AGAP1: variants seen among roughly 807,000 people sequenced by gnomAD.
AGAP1 encodes the protein ArfGAP with GTPase domain, ankyrin repeat and PH domain 1, also known as arf-GAP with GTPase, ANK repeat and PH domain-containing protein 1.
In AGAP1, 29 loss-of-function variants were observed where a neutral mutation model predicts 105.3. The ratio of observed to expected loss-of-function variants is 0.28; its 90% confidence interval spans 0.21 to 0.38. The LOEUF is 0.38. Ranked by LOEUF, AGAP1 falls within the 10% of genes least tolerant of loss-of-function variation. The pLI, the probability that AGAP1 is intolerant of heterozygous loss-of-function variation, is 1.00. For synonymous variants in AGAP1, 509 were observed against 485.9 expected (o/e 1.05, Z -0.63); for missense variants, 998 against 1,165.1 (o/e 0.86, Z 2.09).
At chr2:236,049,501 G>A (rs1020964628) in intron 16 of AGAP1, 24 of 481,554 alleles carry the variant, frequency 5.0e-5, no homozygotes, top group African/African-American at 3.7e-4. Flanking sequence ...TTTAGGCCTG[G>A]GGATTTCTCT....
At chr2:236,068,118 G>A (rs916924970) in intron 16 of AGAP1, among the ~76,000 whole-genome samples, 4 of 152,008 alleles carry the variant, frequency 2.6e-5, no homozygotes, top group African/African-American at 7.3e-5. Flanking sequence ...CTAAAAATAC[G>A]AAATTTAGCT....
Position 236,113,491 on chromosome 2 carries a change from C to G in AGAP1, c.2115-6701C>G, listed in dbSNP as rs1185224189. On this transcript the variant is annotated intron_variant, in intron 16 of 17. Coordinates refer to ENST00000304032, the MANE Select transcript of AGAP1 (RefSeq NM_001037131.3). This position sits in a 1 kb window ranked among gnomAD's most constrained non-coding sequence, Gnocchi z 4.3. Reference sequence around the variant, plus strand: ...GCTTGAGGGTGTTACCAGGAATGATCAATAAAGTCAGTTACTGTCATCCTT... The same window carrying G: ...GCTTGAGGGTGTTACCAGGAATGATGAATAAAGTCAGTTACTGTCATCCTT... 6.6e-6 allele frequency among the ~76,000 whole-genome samples: 1 copy of G among 152,174 alleles called. No individual in the cohort carries two copies. Among genetic ancestry groups the G allele is most frequent in the Admixed American group, 6.5e-5 (1 of 15,278 alleles).
intron 3 of AGAP1, among the ~76,000 whole-genome samples, chr2:235,727,932 G>A (rs1951730970): frequency 6.6e-6 from 1 of 152,160 alleles, no homozygotes; most frequent in Non-Finnish European, 1.5e-5. Flanking sequence ...TGGAGAGATT[G>A]ACACTTCAGA....
intron 1 of AGAP1, among the ~76,000 whole-genome samples, chr2:235,702,038 T>A (rs1950282926): frequency 6.6e-6 from 1 of 152,212 alleles, no homozygotes; most frequent in African/African-American, 2.4e-5. Flanking sequence ...ATGTTGTTTT[T>A]AAAATGTCAC....
At chr2:235,762,788 G>A (rs573109079) in intron 6 of AGAP1, among the ~76,000 whole-genome samples, 7 of 152,242 alleles carry the variant, frequency 4.6e-5, no homozygotes, top group African/African-American at 1.4e-4. Context: ...CAGGAGAATT[G>A]CTTGGACCCA....
At position 235,792,368 on chromosome 2, in the gene AGAP1, C is replaced by T. The variant is rs150115005; in HGVS notation, c.674-5391C>T. Among the ~76,000 whole-genome samples, 1 of 152,260 alleles carries T rather than the reference C, an allele frequency of 6.6e-6. No individual in the cohort carries two copies. The highest frequency in any genetic ancestry group is 1.9e-4 in the East Asian group (1 of 5,170). ...TCCAGGAGAGACTATGGTCCTTATC[C>T]AGTAGTACTAATGTGCGGAAATACC... On this transcript the variant is annotated intron_variant, in intron 6 of 17. Transcript: ENST00000304032. This position sits in a 1 kb window ranked among gnomAD's most constrained non-coding sequence, Gnocchi z 5.3.
Position 235,643,289 on chromosome 2 carries a change from G to C in AGAP1, c.164-65890G>C, listed in dbSNP as rs1222865584. Reference sequence around the variant, plus strand: ...CTACTAAAAATACAAAAATTAGCTGGGTGTGGTGGCGGGCACCTGTAGTCC... The same window carrying C: ...CTACTAAAAATACAAAAATTAGCTGCGTGTGGTGGCGGGCACCTGTAGTCC... On this transcript the variant is annotated intron_variant, in intron 1 of 17. Transcript: ENST00000304032. Among the ~76,000 whole-genome samples the C allele has an allele frequency of 2.0e-5, 3 of 151,802 alleles. No homozygotes were observed. The East Asian group carries it at 5.8e-4, about 29-fold the overall frequency.
rs941514172 is a variant in AGAP1 at position 236,000,093 on chromosome 2, G to T, written c.1645+31470G>T. On this transcript the variant is annotated intron_variant, in intron 13 of 17. Coordinates refer to ENST00000304032, the MANE Select transcript of AGAP1 (RefSeq NM_001037131.3). The surrounding 1 kb of genome is among the most constrained non-coding windows in gnomAD (Gnocchi z 4.3). Reference sequence around the variant, plus strand: ...GGTTTGTTTGTTAGTAGCCATAACCGTGCAGCATCCATCGGGAGGACACAC... The same window carrying T: ...GGTTTGTTTGTTAGTAGCCATAACCTTGCAGCATCCATCGGGAGGACACAC... 3.9e-5 allele frequency among the ~76,000 whole-genome samples: 6 copies of T among 152,236 alleles called. No individual in the cohort carries two copies. Among genetic ancestry groups the T allele is most frequent in the Middle Eastern group, 3.4e-3 (1 of 294 alleles).
At chr2:236,070,035 C>T (rs2058456700) in intron 16 of AGAP1, among the ~76,000 whole-genome samples, 1 of 152,274 alleles carries the variant, frequency 6.6e-6, no homozygotes, top group South Asian at 2.1e-4. Context: ...CACTGGTCCA[C>T]TGTCAGTGGC....
chr2:235,995,398 T>G lies in AGAP1; in HGVS notation c.1645+26775T>G, dbSNP rs561966611. On this transcript the variant is annotated intron_variant, in intron 13 of 17. Transcript: ENST00000304032. ...GCTTGGTGGTGCGCACCTATAATCC[T>G]AGCTCCTCGGGAGGCTGAAGCAGGA... Among the ~76,000 whole-genome samples the G allele has an allele frequency of 1.3e-4, 19 of 151,212 alleles. No individual in the cohort carries two copies. The South Asian group carries it at 4.0e-3, about 32-fold the overall frequency.
In AGAP1 at chr2:235,961,589, C is replaced by T. The variant is rs1317224561; in HGVS notation, c.1484-6873C>T. ...GTCAAATGTCCAGGGTGGAGGTGTG[C>T]GGCCAAGGGAGAGTTGTGTTAAAAA... On this transcript the variant is annotated intron_variant, in intron 12 of 17. Coordinates refer to ENST00000304032, the MANE Select transcript of AGAP1 (RefSeq NM_001037131.3). The surrounding 1 kb of genome is among the most constrained non-coding windows in gnomAD (Gnocchi z 5.9). Among the ~76,000 whole-genome samples, 1 of 152,096 alleles carries T rather than the reference C, an allele frequency of 6.6e-6. No individual in the cohort carries two copies. The highest frequency in any genetic ancestry group is 1.9e-4 in the East Asian group (1 of 5,194).
At chr2:236,054,842 T>C (rs1461978897) in intron 16 of AGAP1, among the ~76,000 whole-genome samples, 1 of 152,198 alleles carries the variant, frequency 6.6e-6, no homozygotes, top group Admixed American at 6.5e-5. Flanking sequence ...GGCGGATTGA[T>C]GCCCTGCCCC....
intron 1 of AGAP1, among the ~76,000 whole-genome samples, chr2:235,515,422 G>C (rs950422546): frequency 6.6e-6 from 1 of 152,170 alleles, no homozygotes; most frequent in Admixed American, 6.5e-5. Context: ...AGAGAGAAGA[G>C]CAGGGCAGGT....
In AGAP1 at chr2:235,889,401, C is replaced by T. The variant is rs866771371; in HGVS notation, c.1155+5952C>T. Among the ~76,000 whole-genome samples, 2 of 152,144 alleles carry T rather than the reference C, an allele frequency of 1.3e-5. No individual in the cohort carries two copies. Among genetic ancestry groups the T allele is most frequent in the South Asian group, 2.1e-4 (1 of 4,826 alleles). On this transcript the variant is annotated intron_variant, in intron 10 of 17. Transcript: ENST00000304032. This position sits in a 1 kb window ranked among gnomAD's most constrained non-coding sequence, Gnocchi z 4.6. ...TGATCCCCAGGGACTGCGTGTCTCC[C>T]TCAGAACTGGGGCAGCTTTCTACTT...
intron 1 of AGAP1, among the ~76,000 whole-genome samples, chr2:235,630,402 G>C (rs1235782500): frequency 6.6e-6 from 1 of 152,024 alleles, no homozygotes; most frequent in African/African-American, 2.4e-5. Context: ...ATAGAGACAG[G>C]GTTTCACCAT....
chr2:235,686,620 G>GATATATATAT (rs1194270184), intron 1 of AGAP1, among the ~76,000 whole-genome samples: 6 of 57,244 alleles, frequency 1.0e-4, no homozygotes, highest in Non-Finnish European at 1.9e-4. Context: ...TGGAGATATA[G>GATATATATAT]ATATATATAT....
intron 1 of AGAP1, among the ~76,000 whole-genome samples, chr2:235,699,945 G>A: frequency 6.6e-6 from 1 of 152,200 alleles, no homozygotes. Flanking sequence ...CCTCGGTGTT[G>A]GGGGAACGGC....
Position 235,566,950 on chromosome 2 carries a change from G to C in AGAP1, c.163+72101G>C, listed in dbSNP as rs1260732700. On this transcript the variant is annotated intron_variant, in intron 1 of 17. Coordinates refer to ENST00000304032, the MANE Select transcript of AGAP1 (RefSeq NM_001037131.3). This position sits in a 1 kb window ranked among gnomAD's most constrained non-coding sequence, Gnocchi z 5.2. Reference sequence around the variant, plus strand: ...CCTTTTCCGGCCTCTGGTGGCCCCTGGCAATCCTTGGTGTCCCATCCAGCT... The same window carrying C: ...CCTTTTCCGGCCTCTGGTGGCCCCTCGCAATCCTTGGTGTCCCATCCAGCT... Among the ~76,000 whole-genome samples the C allele has an allele frequency of 6.6e-6, 1 of 152,198 alleles. No homozygotes were observed. The highest frequency in any genetic ancestry group is 1.5e-5 in the Non-Finnish European group (1 of 68,038).
chr2:236,099,766 G>A (rs867123253), intron 16 of AGAP1, among the ~76,000 whole-genome samples: 14 of 152,120 alleles, frequency 9.2e-5, no homozygotes, highest in African/African-American at 2.4e-4. Context: ...GAGGCTGGGC[G>A]CAGTGGCTCA....
Sources: gnomAD v4.1 joint callset for allele counts (sites outside exome capture counted in the v4.1 genomes callset) on GRCh38, gnomAD v4.1.1 for gene constraint, Gnocchi (gnomAD v3.1) non-coding constraint, MANE v1.5 for transcripts, NCBI Gene and HGNC (gene_info 2026-07-23, HGNC 2026-07-21) for gene names.